Variants in SEC16B observed in about 807,000 individuals in gnomAD.
The protein encoded by SEC16B is SEC16 homolog B, endoplasmic reticulum export factor.
A neutral mutation model predicts 141.8 loss-of-function variants in SEC16B; 115 were observed. The observed-to-expected ratio is 0.81, with a 90% CI of 0.70 to 0.95. SEC16B has a LOEUF of 0.95. Ranked by LOEUF, SEC16B falls within the 40% of genes least tolerant of loss-of-function variation. The pLI is 0.00. For synonymous variants in SEC16B, 493 were observed against 492.5 expected, an observed-to-expected ratio of 1.00 and a Z score of -0.01; for missense variants, 1,291 against 1,312.3, an observed-to-expected ratio of 0.98 and a Z score of 0.25.
At chr1:177,939,922 G>C in intron 17 of SEC16B, 145 bp from the exon 18 acceptor site, 1 of 675,772 alleles carries the variant, frequency 1.5e-6, no homozygotes, top group South Asian at 1.9e-5. Context: ...TTAGGGGCCT[G>C]GGGGGTCACG....
chr1:177,981,859 A>G lies in SEC16B; in HGVS notation c.-59+2347T>C, dbSNP rs1195656142. Among the ~76,000 whole-genome samples, 7 of 152,176 alleles carry G rather than the reference A, an allele frequency of 4.6e-5. No individual in the cohort carries two copies. In the East Asian group the frequency reaches 1.3e-3, roughly 29 times the overall value. On this transcript the variant is annotated intron_variant and NMD_transcript_variant, in intron 1 of 24. Transcript: ENST00000528461. ...CACACACCTGTGGTGGGTGGTATTCATTTGTTTATACTTTGCTTCTTTCCT... is the reference window on the plus strand; with the variant it reads ...CACACACCTGTGGTGGGTGGTATTCGTTTGTTTATACTTTGCTTCTTTCCT...
chr1:177,957,538 A>C (rs953651167), intron 10 of SEC16B, among the ~76,000 whole-genome samples: 1 of 152,144 alleles, frequency 6.6e-6, no homozygotes, highest in Admixed American at 6.5e-5. Context: ...AGTACATAGT[A>C]GGTATATATA....
In SEC16B at chr1:177,964,176, T is replaced by A; in HGVS notation, c.637A>T (p.Asn213Tyr). The A allele has an allele frequency of 6.2e-7, 1 of 1,612,132 alleles. No homozygotes were observed. ...CCCACGTCACTTTAGGTTACCTTATTTTTCTGGGCCTCAGCAAGCAGGCTC... is the reference window on the plus strand; with the variant it reads ...CCCACGTCACTTTAGGTTACCTTATATTTCTGGGCCTCAGCAAGCAGGCTC... ...PGSLLAEAQK[N>Y]KPSLASESNL... Residue 213 changes from asparagine (N) to tyrosine (Y), a missense_variant, in exon 5 of 26, where the codon AAT becomes TAT. Asn to Tyr is a moderately radical substitution (Grantham distance 143). This residue lies in a region of SEC16B where 681 missense variants were observed against 675.5 expected (regional missense o/e 1.01). Transcript: ENST00000308284.
intron 12 of SEC16B, among the ~76,000 whole-genome samples, chr1:177,951,264 T>C (rs1652174014): frequency 6.6e-6 from 1 of 152,082 alleles, no homozygotes; most frequent in Non-Finnish European, 1.5e-5. Context: ...GCATGCTATA[T>C]ATACCCCAAG....
At chr1:177,980,960 C>T (rs986875721) in intron 1 of SEC16B, among the ~76,000 whole-genome samples, 2 of 151,944 alleles carry the variant, frequency 1.3e-5, no homozygotes, top group African/African-American at 2.4e-5. Context: ...GTTTTATGCT[C>T]AATGTGGTTT....
intron 14 of SEC16B, chr1:177,945,593 A>G (rs560415): frequency 0.69 from 104,974 of 152,102 alleles, 36,295 homozygotes; most frequent in African/African-American, 0.71. Context: ...TGGATTCCGA[A>G]TCCAACTCAC....
chr1:177,964,078 C>T (rs1257795634), intron 5 of SEC16B, 93 bp downstream of exon 5: 3 of 835,976 alleles, frequency 3.6e-6, no homozygotes, highest in African/African-American at 3.5e-5. Context: ...GGCCACTGGA[C>T]ATCCATCCCC....
chr1:177,972,747 C>T (rs73045056), upstream of SEC16B, among the ~76,000 whole-genome samples: 1,590 of 152,262 alleles, frequency 0.01, 33 homozygotes, highest in African/African-American at 0.033. Context: ...TCTGTTTCCT[C>T]CCAAAATTCA....
At chr1:177,943,612 T>A (rs1651447152) in intron 15 of SEC16B, among the ~76,000 whole-genome samples, 1 of 152,134 alleles carries the variant, frequency 6.6e-6, no homozygotes, top group Admixed American at 6.5e-5. Context: ...CTAAAGAAGA[T>A]AACTAAGGTA....
rs146602337 is a variant in SEC16B at position 177,965,156 on chromosome 1, G to A, written c.424C>T (p.Arg142Trp). Residue 142 changes from arginine to tryptophan, a missense_variant, in exon 4 of 26, where the codon CGG becomes TGG. Transcript: ENST00000308284. ...TCTTCGTGCCAGATATAAGGACTCC[G>A]TTGCCTTGGCACTGCACCCTCAGAG... Reference protein sequence around the residue: ...WLQEERVPRQRSPYIWHEDYR... With the variant: ...WLQEERVPRQWSPYIWHEDYR... The A allele has an allele frequency of 1.9e-4, 308 of 1,613,320 alleles. 1 individual carries two copies. The Middle Eastern group carries it at 2.8e-3, about 15-fold the overall frequency.
chr1:177,941,769 A>G, intron 16 of SEC16B, 131 bp downstream of exon 16: 1 of 1,018,756 alleles, frequency 9.8e-7, no homozygotes, highest in African/African-American at 1.6e-5. Flanking sequence ...ATACATGGTC[A>G]AAGATGGCCG....
At position 177,979,832 on chromosome 1, in the gene SEC16B, C is replaced by T. The variant is rs768744719; in HGVS notation, c.-59+4374G>A. Among the ~76,000 whole-genome samples, 22 of 152,072 alleles carry T rather than the reference C, an allele frequency of 1.4e-4. 1 individual carries two copies. Among genetic ancestry groups the T allele is most frequent in the Middle Eastern group, 3.4e-3 (1 of 294 alleles). Reference sequence around the variant, plus strand: ...AGAGAGCTTGTGTAGGGAAACACCTCCTTATAGAACCATCAGATCTCGTGA... The same window carrying T: ...AGAGAGCTTGTGTAGGGAAACACCTTCTTATAGAACCATCAGATCTCGTGA... On this transcript the variant is annotated intron_variant and NMD_transcript_variant, in intron 1 of 24. Transcript: ENST00000528461.
At chr1:177,971,762 A>G (rs1188450212), upstream of SEC16B, among the ~76,000 whole-genome samples, 2 of 152,230 alleles carry the variant, frequency 1.3e-5, no homozygotes, top group Non-Finnish European at 1.5e-5. Context: ...GTTACCTAGA[A>G]GTTCAGTGAA....
Position 177,946,422 on chromosome 1 carries a change from G to C in SEC16B, c.1773C>G (p.His591Gln). ...TTCCTTTCTCCCAGGTCGCATACCT[G>C]TGGCTGCTGCCCAGCAAGACCAGAT... Reference protein sequence around the residue: ...TDHLVLLGSSHSQEFLKFATT... With the variant: ...TDHLVLLGSSQSQEFLKFATT... Residue 591 changes from histidine to glutamine, a missense_variant and splice_region_variant, in exon 14 of 26, where the codon CAC becomes CAG. Coordinates refer to ENST00000308284, the MANE Select transcript of SEC16B (RefSeq NM_033127.4). 6.4e-7 allele frequency: 1 copy of C among 1,562,160 alleles called. No homozygotes were observed. The highest frequency in any genetic ancestry group is 8.7e-7 in the Non-Finnish European group (1 of 1,152,598).
chr1:177,967,367 G>A lies in SEC16B; in HGVS notation c.299+316C>T, dbSNP rs1221513568. On this transcript the variant is annotated intron_variant, in intron 2 of 25. Transcript: ENST00000308284. ...ATGAACTTTTGCAATCCCAGAGCAA[G>A]AGGGTTCCATCTGCTGTCTTGAATT... 2.6e-5 allele frequency among the ~76,000 whole-genome samples: 4 copies of A among 152,144 alleles called. 1 individual carries two copies. In the East Asian group the frequency reaches 7.7e-4, roughly 29 times the overall value.
intron 1 of SEC16B, among the ~76,000 whole-genome samples, chr1:177,981,524 G>C (rs1465721940): frequency 6.6e-6 from 1 of 152,148 alleles, no homozygotes; most frequent in Non-Finnish European, 1.5e-5. Flanking sequence ...AATAATTAAT[G>C]ACTGAATAAC....
intron 12 of SEC16B, among the ~76,000 whole-genome samples, chr1:177,950,874 AAGGAAGGAAGG>A (rs939112408): frequency 5.3e-5 from 8 of 149,994 alleles, no homozygotes; most frequent in African/African-American, 1.7e-4. Context: ...GAAAGGAGGG[AAGGAAGGAAGG>A]AGGAAGGAAG....
At chr1:177,959,813 A>C (rs1468469997) in intron 8 of SEC16B, 1 of 154,690 alleles carries the variant, frequency 6.5e-6, no homozygotes, top group Non-Finnish European at 1.4e-5. Context: ...TCCAGCAAGG[A>C]CTCTCTCCTC....
intron 1 of SEC16B, among the ~76,000 whole-genome samples, chr1:177,968,982 T>C (rs1226316649): frequency 6.6e-6 from 1 of 152,182 alleles, no homozygotes; most frequent in African/African-American, 2.4e-5. Context: ...CCTCTGCCCA[T>C]TGCACGGGGT....
Sources: gnomAD v4.1 joint callset for allele counts (sites outside exome capture counted in the v4.1 genomes callset) on GRCh38, gnomAD v4.1.1 for gene constraint, gnomAD v4.1.1 regional missense constraint, MANE v1.5 for transcripts, NCBI Gene and HGNC (gene_info 2026-07-23, HGNC 2026-07-21) for gene names.